Variants in REDIC1 observed in about 807,000 individuals in gnomAD.
REDIC1 encodes regulator of DNA class I crossover intermediates 1.
the REDIC1 span, among the ~76,000 whole-genome samples, chr12:39,780,536 C>G: frequency 9.2e-5 from 14 of 152,192 alleles, no homozygotes; most frequent in African/African-American, 3.4e-4. Flanking sequence ...CAGGTCTGCG[C>G]CTCTGTGTCC....
the REDIC1 span, among the ~76,000 whole-genome samples, chr12:39,750,170 C>T: frequency 6.6e-6 from 1 of 152,164 alleles, no homozygotes; most frequent in Non-Finnish European, 1.5e-5. Flanking sequence ...TAGAAAAACC[C>T]ATTGTCTCAG....
the REDIC1 span, among the ~76,000 whole-genome samples, chr12:39,815,982 A>C: frequency 1.3e-5 from 2 of 152,162 alleles, no homozygotes; most frequent in African/African-American, 2.4e-5. Flanking sequence ...CAAGAAATTC[A>C]ATTAGATGTT....
At chr12:39,712,397 T>TATACATAC in the REDIC1 span, among the ~76,000 whole-genome samples, 114 of 134,036 alleles carry the variant, frequency 8.5e-4, no homozygotes, top group African/African-American at 2.9e-3. Context: ...TATACCTGTA[T>TATACATAC]GTATATATAC....
chr12:39,733,069 G>A, the REDIC1 span, among the ~76,000 whole-genome samples: 8 of 148,346 alleles, frequency 5.4e-5, no homozygotes, highest in African/African-American at 1.7e-4. Context: ...GCAGAAAAAT[G>A]CACACACACA....
chr12:39,825,857 T>C, the REDIC1 span, among the ~76,000 whole-genome samples: 4 of 152,272 alleles, frequency 2.6e-5, no homozygotes, highest in African/African-American at 9.6e-5. Flanking sequence ...TTCTAACCTC[T>C]TGTGGATCTG....
the REDIC1 span, among the ~76,000 whole-genome samples, chr12:39,763,582 T>C: frequency 6.6e-6 from 1 of 152,026 alleles, no homozygotes; most frequent in Non-Finnish European, 1.5e-5. Context: ...AACCTGTTCT[T>C]GCAAAGAGAA....
At chr12:39,677,068 A>C in the REDIC1 span, among the ~76,000 whole-genome samples, 1 of 151,694 alleles carries the variant, frequency 6.6e-6, no homozygotes, top group African/African-American at 2.4e-5. Flanking sequence ...AACAACTAAC[A>C]TGATGAATAG....
the REDIC1 span, among the ~76,000 whole-genome samples, chr12:39,677,895 A>C: frequency 6.6e-6 from 1 of 152,250 alleles, no homozygotes. Context: ...TGAACTGAAC[A>C]GTTGTAGTGA....
the REDIC1 span, among the ~76,000 whole-genome samples, chr12:39,676,726 A>G: frequency 2.6e-5 from 4 of 152,300 alleles, no homozygotes; most frequent in African/African-American, 9.6e-5. Context: ...GTAACCTACA[A>G]AGGAAAACCT....
At chr12:39,736,764 G>A in the REDIC1 span, 1 of 152,202 alleles carries the variant, frequency 6.6e-6, no homozygotes, top group Non-Finnish European at 1.5e-5. Flanking sequence ...CTACCCTAAA[G>A]CCTCCATGCT....
At chr12:39,742,843 C>G in the REDIC1 span, among the ~76,000 whole-genome samples, 2 of 152,236 alleles carry the variant, frequency 1.3e-5, no homozygotes, top group East Asian at 3.9e-4. Flanking sequence ...ATTGGAGAAA[C>G]AGACAGATGG....
At chr12:39,849,911 A>G in the REDIC1 span, among the ~76,000 whole-genome samples, 2 of 151,936 alleles carry the variant, frequency 1.3e-5, no homozygotes, top group Non-Finnish European at 2.9e-5. Flanking sequence ...CTTTCAGGGT[A>G]ATATTGTTTC....
chr12:39,849,176 G>T, the REDIC1 span, among the ~76,000 whole-genome samples: 4 of 151,648 alleles, frequency 2.6e-5, no homozygotes, highest in Admixed American at 2.0e-4. Context: ...CTAAAATAAA[G>T]ATTTAAAAAA....
At chr12:39,899,582 A>G in the REDIC1 span, among the ~76,000 whole-genome samples, 1 of 151,812 alleles carries the variant, frequency 6.6e-6, no homozygotes, top group African/African-American at 2.4e-5. Flanking sequence ...TAGGGTGTCA[A>G]TTTTGGATCT....
the REDIC1 span, among the ~76,000 whole-genome samples, chr12:39,839,422 G>T: frequency 1.8e-4 from 27 of 152,054 alleles, no homozygotes; most frequent in Non-Finnish European, 3.4e-4. Context: ...AAGGCTAGGG[G>T]CCTACTGGTA....
chr12:39,888,634 T>C, the REDIC1 span, among the ~76,000 whole-genome samples: 2 of 152,244 alleles, frequency 1.3e-5, no homozygotes, highest in Non-Finnish European at 2.9e-5. Context: ...CAGGACAGAA[T>C]TGCAAGAGAG....
chr12:39,650,418 G>T, the REDIC1 span: 2 of 1,520,926 alleles, frequency 1.3e-6, no homozygotes, highest in African/African-American at 1.4e-5. This position sits in a 1 kb window ranked among gnomAD's most constrained non-coding sequence, Gnocchi z 4.3. Context: ...TTAGAAATTT[G>T]ATTTTAATGG....
the REDIC1 span, among the ~76,000 whole-genome samples, chr12:39,855,565 G>A: frequency 5.3e-5 from 8 of 152,184 alleles, no homozygotes; most frequent in Admixed American, 5.2e-4. Flanking sequence ...TCCATGAGGA[G>A]GAAGGCTGTT....
the REDIC1 span, among the ~76,000 whole-genome samples, chr12:39,896,375 T>C: frequency 7.5e-6 from 1 of 133,060 alleles, no homozygotes; most frequent in African/African-American, 2.8e-5. Flanking sequence ...TATGTATACA[T>C]ATATGTATGT....
Sources: allele counts gnomAD v4.1 joint callset (sites outside exome capture counted in the v4.1 genomes callset), GRCh38; gene constraint gnomAD v4.1.1; non-coding constraint Gnocchi (gnomAD v3.1); transcripts MANE v1.5; gene names NCBI Gene and HGNC (gene_info 2026-07-23, HGNC 2026-07-21).